The following DNAH5 variants were observed in gnomAD, a reference collection of about 807,000 sequenced individuals.
DNAH5 encodes the protein dynein axonemal heavy chain 5, also known as axonemal beta dynein heavy chain 5.
In DNAH5, 372 loss-of-function variants were observed where a neutral mutation model predicts 518.2. The observed-to-expected ratio is 0.72, with a 90% confidence interval of 0.66 to 0.78. DNAH5 has a LOEUF of 0.78. Ranked by LOEUF, DNAH5 falls within the 30% of genes least tolerant of loss-of-function variation. The probability of loss-of-function intolerance (pLI) is 0.00; values close to 1 mark genes in which losing one functional copy is unlikely to be tolerated. For missense variants in DNAH5, 5,523 were observed against 5,687.0 expected (o/e 0.97, Z 0.93); for synonymous variants, 2,039 against 2,025.9 (o/e 1.01, Z -0.17).
chr5:13,957,335 A>C (rs1287083369), intron 1 of DNAH5, among the ~76,000 whole-genome samples: 5 of 152,192 alleles, frequency 3.3e-5, no homozygotes, highest in African/African-American at 1.2e-4. Context: ...AAACAGACCC[A>C]TGTCTCATGA....
At chr5:13,928,733 A>G (rs1411695327) in intron 2 of DNAH5, among the ~76,000 whole-genome samples, 2 of 152,190 alleles carry the variant, frequency 1.3e-5, no homozygotes, top group Admixed American at 6.5e-5. Flanking sequence ...CAACAGAAAC[A>G]CTTCTTTTAA....
chr5:13,897,555 G>C (rs10051488), intron 15 of DNAH5: 148,422 of 152,360 alleles, frequency 0.97, 72,307 homozygotes, highest in South Asian at 0.99. Flanking sequence ...TTCCAAGGAA[G>C]AGATGAAGAA....
chr5:13,820,401 C>A lies in DNAH5; in HGVS notation c.6786G>T (p.Gly2262=), dbSNP rs749772293. 3 of 1,613,630 alleles carry A rather than the reference C, an allele frequency of 1.9e-6. No homozygotes were observed. The highest frequency in any genetic ancestry group is 3.3e-5 in the Admixed American group (2 of 60,002). ...AGGTGGTCTTCCCAGCCCCACTGGG[C>A]CCCAGAGTCATCATCCCATGTCGCA... is the stretch of plus-strand genomic sequence containing the variant. The part of the protein sequence containing the change: ...QRVRHGMMTL[G]PSGAGKTTCI... Residue 2262 remains glycine (G), a synonymous_variant, in exon 41 of 79, where the codon GGG becomes GGT. Transcript: ENST00000265104.
chr5:13,769,682 G>C, intron 56 of DNAH5, 67 bp from the exon 57 acceptor site: 1 of 1,295,532 alleles, frequency 7.7e-7, no homozygotes, highest in Non-Finnish European at 1.1e-6. Flanking sequence ...CTCAAGTACT[G>C]GTCCAATAAT....
intron 75 of DNAH5, among the ~76,000 whole-genome samples, chr5:13,713,455 ATAT>A (rs1193921270): frequency 7.5e-6 from 1 of 132,948 alleles, no homozygotes; most frequent in African/African-American, 3.0e-5. Context: ...ATATATATAT[ATAT>A]ATATATATAC....
chr5:14,006,080 C>T (rs1158938611), intron 1 of DNAH5, among the ~76,000 whole-genome samples: 1 of 151,914 alleles, frequency 6.6e-6, no homozygotes, highest in Non-Finnish European at 1.5e-5. Flanking sequence ...CTCCCCACAC[C>T]CAACCCTGGC....
intron 44 of DNAH5, 75 bp from the exon 45 acceptor site, chr5:13,810,335 C>G (rs1281892820): frequency 7.9e-7 from 1 of 1,260,868 alleles, no homozygotes; most frequent in African/African-American, 1.5e-5. Context: ...TCAATGGGAA[C>G]AGTAAACATA....
At chr5:13,775,160 C>A (rs1468329820) in intron 55 of DNAH5, among the ~76,000 whole-genome samples, 1 of 139,362 alleles carries the variant, frequency 7.2e-6, no homozygotes, top group Admixed American at 7.3e-5. Context: ...AATCTTACCT[C>A]CAGTTATATT....
chr5:13,958,073 T>C (rs1780887649), intron 1 of DNAH5, among the ~76,000 whole-genome samples: 1 of 151,976 alleles, frequency 6.6e-6, no homozygotes, highest in Non-Finnish European at 1.5e-5. Context: ...TTGCATAGCA[T>C]ATCAATTACA....
chr5:13,900,868 T>C (rs1437033415), intron 14 of DNAH5: 5 of 322,968 alleles, frequency 1.5e-5, no homozygotes, highest in Non-Finnish European at 2.9e-5. Context: ...TATGCTATGA[T>C]TAACCAGTTG....
At chr5:13,798,100 T>C (rs955600836) in intron 47 of DNAH5, among the ~76,000 whole-genome samples, 19 of 152,146 alleles carry the variant, frequency 1.2e-4, no homozygotes, top group African/African-American at 4.3e-4. Context: ...AAATACCTAA[T>C]GTAAATGATG....
At chr5:13,780,980 A>G (rs923601318) in intron 52 of DNAH5, 21 bp from the exon 53 acceptor site, 1 of 1,612,296 alleles carries the variant, frequency 6.2e-7, no homozygotes, top group African/African-American at 1.3e-5. Flanking sequence ...GAACAGAAAA[A>G]GTATGTATCT....
At chr5:13,773,582 G>C (rs1243991936) in intron 55 of DNAH5, among the ~76,000 whole-genome samples, 3 of 152,168 alleles carry the variant, frequency 2.0e-5, no homozygotes, top group Non-Finnish European at 4.4e-5. Flanking sequence ...TCAAACACCA[G>C]TAGCTGCTGA....
intron 29 of DNAH5, among the ~76,000 whole-genome samples, chr5:13,861,763 C>T (rs1768446299): frequency 6.6e-6 from 1 of 151,902 alleles, no homozygotes; most frequent in African/African-American, 2.4e-5. Flanking sequence ...TTGAGACCAG[C>T]CTGGCCAACA....
At chr5:13,946,953 A>G (rs1779977061), upstream of DNAH5, among the ~76,000 whole-genome samples, 1 of 152,244 alleles carries the variant, frequency 6.6e-6, no homozygotes, top group Non-Finnish European at 1.5e-5. Flanking sequence ...TGTAGAATGC[A>G]TAATTATCCT....
rs765030469 is a variant in DNAH5, at chr5:13,810,276, A to T, written c.7408-16T>A. 1 of 1,548,726 alleles carries T rather than the reference A, an allele frequency of 6.5e-7. No individual in the cohort carries two copies. Among genetic ancestry groups the T allele is most frequent in the East Asian group, 2.4e-5 (1 of 40,888 alleles). On this transcript the variant is annotated splice_polypyrimidine_tract_variant and intron_variant, in intron 44 of 78. Transcript: ENST00000265104. ...CGCCTTGCTCCTGAGAAGGAAAGAC[A>T]CTTTTTTTTAATAACTTGATTCTGA...
chr5:13,868,929 G>A (rs1183438294), intron 24 of DNAH5, among the ~76,000 whole-genome samples: 7 of 152,134 alleles, frequency 4.6e-5, no homozygotes, highest in African/African-American at 7.2e-5. Flanking sequence ...TATGTCTTCC[G>A]AATAACTTCC....
At chr5:14,007,856 G>GA (rs1408784005) in intron 1 of DNAH5, among the ~76,000 whole-genome samples, 2 of 151,998 alleles carry the variant, frequency 1.3e-5, no homozygotes, top group Non-Finnish European at 2.9e-5. Flanking sequence ...AGGGGAATTT[G>GA]AAAAAAAGGT....
At chr5:13,733,700 T>C (rs1746934101) in intron 68 of DNAH5, among the ~76,000 whole-genome samples, 1 of 152,046 alleles carries the variant, frequency 6.6e-6, no homozygotes, top group African/African-American at 2.4e-5. Context: ...TACTATAAGA[T>C]ATATATATAC....
Sources: gnomAD v4.1 joint callset for allele counts (sites outside exome capture counted in the v4.1 genomes callset) on GRCh38, gnomAD v4.1.1 for gene constraint, MANE v1.5 for transcripts, NCBI Gene and HGNC (gene_info 2026-07-23, HGNC 2026-07-21) for gene names.